Variants in GNAS-AS1 observed in about 807,000 individuals in gnomAD.
GNAS-AS1 encodes GNAS antisense RNA 1 (non-protein coding).
intron 4 of GNAS-AS1, among the ~76,000 whole-genome samples, chr20:58,822,230 G>C (rs1186915398): frequency 1.3e-5 from 2 of 152,194 alleles, no homozygotes; most frequent in Non-Finnish European, 2.9e-5. Context: ...CTGGGTCCCT[G>C]CCCAATTCTG....
chr20:58,827,926 T>C (rs966368220), intron 4 of GNAS-AS1, among the ~76,000 whole-genome samples: 2 of 152,260 alleles, frequency 1.3e-5, no homozygotes, highest in African/African-American at 2.4e-5. Flanking sequence ...GTAATTCATA[T>C]AATTGCATGC....
chr20:58,849,554 A>C (rs945001614), intron 1 of GNAS-AS1, among the ~76,000 whole-genome samples: 1 of 152,194 alleles, frequency 6.6e-6, no homozygotes, highest in African/African-American at 2.4e-5. Context: ...TCTCCATCCC[A>C]ACTGCCCAAA....
At position 58,840,941 on chromosome 20, in the gene GNAS-AS1, G is replaced by C; in HGVS notation, n.819+996C>G. The stretch of plus-strand genomic sequence containing the variant: ...CTGAGGGCGGTGTGGGAGCAGCGCA[G>C]GTGGAAAGGAGGTGAGAAGGAAAGG... On this transcript the variant is annotated intron_variant and non_coding_transcript_variant, in intron 4 of 4. Coordinates refer to ENST00000424094, the Ensembl canonical transcript of GNAS-AS1. The surrounding 1 kb of genome is among the most constrained non-coding windows in gnomAD (Gnocchi z 6.0). 1.3e-6 allele frequency: 2 copies of C among 1,577,172 alleles called. No homozygotes were observed. Among genetic ancestry groups the C allele is most frequent in the Non-Finnish European group, 1.7e-6 (2 of 1,155,026 alleles).
intron 4 of GNAS-AS1, among the ~76,000 whole-genome samples, chr20:58,835,598 C>G (rs2085597292): frequency 6.6e-6 from 1 of 152,202 alleles, no homozygotes; most frequent in Admixed American, 6.5e-5. Context: ...CTCAACTTCC[C>G]TCCCTGTCTA....
intron 4 of GNAS-AS1, among the ~76,000 whole-genome samples, chr20:58,823,325 C>T (rs1236814564): frequency 6.6e-6 from 1 of 152,224 alleles, no homozygotes; most frequent in Non-Finnish European, 1.5e-5. Flanking sequence ...CCACTGGAAC[C>T]CTCTATTCCA....
intron 4 of GNAS-AS1, among the ~76,000 whole-genome samples, chr20:58,819,544 T>C (rs1410470815): frequency 1.3e-5 from 2 of 152,146 alleles, no homozygotes; most frequent in Non-Finnish European, 2.9e-5. Context: ...GAAATGGGTG[T>C]GGAGTCCCAA....
chr20:58,832,653 C>A (rs2085574820), intron 4 of GNAS-AS1, among the ~76,000 whole-genome samples: 1 of 152,096 alleles, frequency 6.6e-6, no homozygotes, highest in African/African-American at 2.4e-5. Context: ...AAACCACTAG[C>A]AATTAAAACT....
At chr20:58,844,716 C>T (rs1003819538) in intron 2 of GNAS-AS1, among the ~76,000 whole-genome samples, 1 of 151,798 alleles carries the variant, frequency 6.6e-6, no homozygotes, top group Non-Finnish European at 1.5e-5. Context: ...CAAAAAACAT[C>T]GAAAGTTGCT....
chr20:58,840,059 T>G lies in GNAS-AS1; in HGVS notation n.819+1878A>C. 2.5e-6 allele frequency: 4 copies of G among 1,603,400 alleles called. No homozygotes were observed. The highest frequency in any genetic ancestry group is 3.4e-6 in the Non-Finnish European group (4 of 1,177,846). On this transcript the variant is annotated intron_variant and non_coding_transcript_variant, in intron 4 of 4. Transcript: ENST00000424094. The surrounding 1 kb of genome is among the most constrained non-coding windows in gnomAD (Gnocchi z 6.0). ...CAGCCAATGTGCTTCGGAGCCACTC[T>G]CTGCAGAGCCAGAGGGCAGGCCGGC... is the stretch of plus-strand genomic sequence containing the variant.
At chr20:58,819,402 C>G (rs111431585) in intron 4 of GNAS-AS1, 2 of 397,456 alleles carry the variant, frequency 5.0e-6, no homozygotes. Flanking sequence ...TTCCAACGGC[C>G]AGAACGGCCA....
chr20:58,841,249 T>G lies in GNAS-AS1; in HGVS notation n.819+688A>C. The G allele has an allele frequency of 3.1e-6, 3 of 956,886 alleles. No individual in the cohort carries two copies. The highest frequency in any genetic ancestry group is 3.9e-6 in the Non-Finnish European group (3 of 764,532). The allele number at this position is 956,886 out of a possible 1,614,324, so 59.3% of individuals were successfully genotyped here. A position where few individuals can be genotyped will look rare whatever the true frequency, so the allele number is the denominator to read the frequency against. The stretch of plus-strand genomic sequence containing the variant: ...AAGTCACTTGTTTTGCGCGCTTTTC[T>G]TCCTCCTAGAAAGACTAGTCTCAAA... On this transcript the variant is annotated intron_variant and non_coding_transcript_variant, in intron 4 of 4. Coordinates refer to ENST00000424094, the Ensembl canonical transcript of GNAS-AS1. The surrounding 1 kb of genome is among the most constrained non-coding windows in gnomAD (Gnocchi z 5.0).
intron 4 of GNAS-AS1, among the ~76,000 whole-genome samples, chr20:58,837,574 C>T (rs556567413): frequency 6.6e-6 from 1 of 152,340 alleles, no homozygotes; most frequent in South Asian, 2.1e-4. Context: ...ACCCGAGTAG[C>T]TGGAACTACA....
At chr20:58,848,733 G>A (rs937651111) in intron 2 of GNAS-AS1, 36 of 393,074 alleles carry the variant, frequency 9.2e-5, no homozygotes, top group Middle Eastern at 1.3e-3. Flanking sequence ...CCCACTAGCC[G>A]ATCACCCCCA....
intron 2 of GNAS-AS1, among the ~76,000 whole-genome samples, chr20:58,844,814 A>C (rs954109931): frequency 4.6e-5 from 7 of 152,116 alleles, no homozygotes; most frequent in Non-Finnish European, 8.8e-5. Context: ...AAAACAAAAC[A>C]AAACAACAAC....
At chr20:58,823,063 G>C (rs962627521) in intron 4 of GNAS-AS1, among the ~76,000 whole-genome samples, 1 of 151,838 alleles carries the variant, frequency 6.6e-6, no homozygotes, top group Non-Finnish European at 1.5e-5. Flanking sequence ...TCCCAGGCTG[G>C]CTTCTTCCCA....
intron 4 of GNAS-AS1, among the ~76,000 whole-genome samples, chr20:58,825,641 G>A (rs755601049): frequency 1.3e-5 from 2 of 152,218 alleles, no homozygotes; most frequent in Non-Finnish European, 2.9e-5. Context: ...AAGGTGGTGC[G>A]AAAATAATTG....
intron 4 of GNAS-AS1, among the ~76,000 whole-genome samples, chr20:58,819,556 C>T (rs2085471370): frequency 6.6e-6 from 1 of 152,186 alleles, no homozygotes; most frequent in Admixed American, 6.5e-5. Flanking sequence ...GAGTCCCAAT[C>T]TCCAAGGCCT....
intron 2 of GNAS-AS1, among the ~76,000 whole-genome samples, chr20:58,846,594 G>C (rs896367731): frequency 2.0e-5 from 3 of 152,202 alleles, no homozygotes; most frequent in Non-Finnish European, 2.9e-5. Flanking sequence ...AGCAAGGTTG[G>C]TCTTCAAGGT....
At chr20:58,847,586 C>T (rs1176495300) in intron 2 of GNAS-AS1, among the ~76,000 whole-genome samples, 1 of 152,202 alleles carries the variant, frequency 6.6e-6, no homozygotes, top group East Asian at 1.9e-4. Flanking sequence ...ACTTTTTCCT[C>T]AATTGAAAGA....
Sources: gnomAD v4.1 joint callset for allele counts (sites outside exome capture counted in the v4.1 genomes callset) on GRCh38, gnomAD v4.1.1 for gene constraint, Gnocchi (gnomAD v3.1) non-coding constraint, MANE v1.5 for transcripts, NCBI Gene and HGNC (gene_info 2026-07-23, HGNC 2026-07-21) for gene names.